TRPV1: variants seen among roughly 807,000 people sequenced by gnomAD.
TRPV1 encodes OTRPC1.
In TRPV1, 82 loss-of-function variants were observed where a neutral mutation model predicts 82.3. That is an observed-to-expected ratio of 1.00 (90% CI 0.83 to 1.20). The LOEUF (loss-of-function observed/expected upper bound fraction) is 1.20, where lower values mean the gene tolerates loss of function less well. Ranked by LOEUF, TRPV1 falls within the 50% of genes most tolerant of loss-of-function variation. TRPV1 has a pLI of 0.00. For missense variants in TRPV1, 1,067 were observed against 1,096.8 expected, an observed-to-expected ratio of 0.97 and a Z score of 0.38; for synonymous variants, 515 against 467.7, an observed-to-expected ratio of 1.10 and a Z score of -1.30.
chr17:3,602,631 G>A (rs781131438), intron 2 of TRPV1, among the ~76,000 whole-genome samples: 8 of 152,122 alleles, frequency 5.3e-5, no homozygotes, highest in South Asian at 2.1e-4. Context: ...GTCTGCGGAC[G>A]CGCCAGCCAG....
intron 16 of TRPV1, among the ~76,000 whole-genome samples, chr17:3,570,015 GAGGAGGGGCCAAGCGGTCAGGA>G (rs1430653588): frequency 0.055 from 7,420 of 134,846 alleles, 481 homozygotes; most frequent in African/African-American, 0.14. Context: ...AGCGGTCAGG[GAGGAGGGGCCAAGCGGTCAGGA>G]AGGAGGGGTC....
chr17:3,579,406 CG>C (rs1259306729), intron 11 of TRPV1, among the ~76,000 whole-genome samples: 1 of 152,038 alleles, frequency 6.6e-6, no homozygotes, highest in Admixed American at 6.6e-5. Flanking sequence ...GGAAGGCCCT[CG>C]GTGCACACTG....
chr17:3,606,582 C>G (rs990973469), intron 2 of TRPV1, among the ~76,000 whole-genome samples: 1 of 152,174 alleles, frequency 6.6e-6, no homozygotes, highest in African/African-American at 2.4e-5. Flanking sequence ...AGAAGCATGC[C>G]GGCCTCAAAC....
At position 3,566,724 on chromosome 17, in the gene TRPV1, G is replaced by A. The variant is rs1221994218; in HGVS notation, c.*91C>T. The A allele has an allele frequency of 6.7e-7, 1 of 1,486,762 alleles. No individual in the cohort carries two copies. Among genetic ancestry groups the A allele is most frequent in the Non-Finnish European group, 9.1e-7 (1 of 1,097,770 alleles). 92.1% of individuals were successfully genotyped at this position (1,486,762 alleles called of 1,614,324 possible). A position where few individuals can be genotyped will look rare whatever the true frequency, so the allele number is the denominator to read the frequency against. On this transcript the variant is annotated 3_prime_UTR_variant, in exon 17 of 17. Transcript: ENST00000572705. ...GGGCAGGCACAGACCAGGCCAGGCTGCTGACAGAGCACTGGTGTTCCCTCA... is the reference window on the plus strand; with the variant it reads ...GGGCAGGCACAGACCAGGCCAGGCTACTGACAGAGCACTGGTGTTCCCTCA...
chr17:3,573,616 C>A lies in TRPV1; in HGVS notation c.2103+17G>T, dbSNP rs1252022928. 4 of 1,604,898 alleles carry A rather than the reference C, an allele frequency of 2.5e-6. No homozygotes were observed. The highest frequency in any genetic ancestry group is 2.7e-5 in the African/African-American group (2 of 74,630). On this transcript the variant is annotated intron_variant, in intron 14 of 16. Coordinates refer to ENST00000572705, the MANE Select transcript of TRPV1 (RefSeq NM_080704.4). ...ACTCTCCGCGCCACTCACCACCCCC[C>A]AACTCCACCCACCCACCTGCAGCTT...
Position 3,573,887 on chromosome 17 carries a change from G to GAGT in TRPV1, c.1848_1849insACT (p.Trp616_Arg617insThr). 6.2e-7 allele frequency: 1 copy of GAGT among 1,611,496 alleles called. No individual in the cohort carries two copies. Among genetic ancestry groups the GAGT allele is most frequent in the African/African-American group, 1.3e-5 (1 of 74,538 alleles). On this transcript the variant is annotated inframe_insertion, in exon 14 of 17. Transcript: ENST00000572705. ...TCGGGGGGCCTGCAGGCAGGCCCCC[G>GAGT]CCACCTGTGCGACGTGGACTCAGAC...
At chr17:3,581,004 G>A (rs188302181) in intron 10 of TRPV1, among the ~76,000 whole-genome samples, 70 of 145,386 alleles carry the variant, frequency 4.8e-4, no homozygotes, top group African/African-American at 1.5e-3. Flanking sequence ...GGGTGACAGC[G>A]AGACTCCATC....
At chr17:3,588,511 T>C in intron 7 of TRPV1, 144 bp from the exon 8 acceptor site, 6 of 922,088 alleles carry the variant, frequency 6.5e-6, no homozygotes, top group Non-Finnish European at 9.6e-6. Context: ...TGACCACCAC[T>C]GAGATCAACC....
intron 11 of TRPV1, among the ~76,000 whole-genome samples, chr17:3,579,313 G>A (rs2074975266): frequency 6.6e-6 from 1 of 152,098 alleles, no homozygotes; most frequent in Non-Finnish European, 1.5e-5. Context: ...AGCTGCAAGA[G>A]GATTTGAAAT....
chr17:3,578,720 T>C (rs2074967225), intron 11 of TRPV1: 1 of 152,178 alleles, frequency 6.6e-6, no homozygotes, highest in Non-Finnish European at 1.5e-5. Flanking sequence ...AAAAGATGCC[T>C]GCACTCCTGT....
intron 13 of TRPV1, among the ~76,000 whole-genome samples, chr17:3,576,067 A>ATACAAAATAC (rs1281431262): frequency 9.2e-5 from 14 of 151,986 alleles, no homozygotes; most frequent in African/African-American, 3.4e-4. Flanking sequence ...AATACAAAAA[A>ATACAAAATAC]AAAAAATAGC....
At chr17:3,583,288 T>G (rs1203145672) in intron 10 of TRPV1, 50 bp downstream of exon 10, 1 of 1,504,638 alleles carries the variant, frequency 6.6e-7, no homozygotes. Context: ...TCTTCTTGGC[T>G]TTTTGTTTTG....
Position 3,592,274 on chromosome 17 carries a change from T to C in TRPV1, c.77A>G (p.Asp26Gly). 1 of 1,606,402 alleles carries C rather than the reference T, an allele frequency of 6.2e-7. No homozygotes were observed. Among genetic ancestry groups the C allele is most frequent in the Non-Finnish European group, 8.5e-7 (1 of 1,176,414 alleles). Residue 26 changes from aspartate to glycine, a missense_variant, in exon 3 of 17, where the codon GAT (aspartate) becomes GGT (glycine). By Grantham distance (94) the Asp-to-Gly change is moderately conservative. Transcript: ENST00000572705. ...LQKDTCPDPL[D>G]GDPNSRPPPA... The stretch of plus-strand genomic sequence containing the variant: ...AGGTGGCCTGGAGTTAGGGTCTCCA[T>C]CCAGGGGGTCTGGGCAGGTGTCCTT...
intron 10 of TRPV1, among the ~76,000 whole-genome samples, chr17:3,580,823 C>A (rs997556474): frequency 2.6e-5 from 4 of 152,140 alleles, no homozygotes; most frequent in African/African-American, 7.2e-5. Context: ...TCGAGACCAG[C>A]CTGGCCAACA....
At chr17:3,601,500 A>G (rs1012128966) in intron 2 of TRPV1, among the ~76,000 whole-genome samples, 5 of 149,884 alleles carry the variant, frequency 3.3e-5, no homozygotes, top group Admixed American at 6.7e-5. Context: ...ACCCTCCTCC[A>G]TCCCAGTACC....
intron 10 of TRPV1, among the ~76,000 whole-genome samples, chr17:3,581,765 G>A (rs1305314578): frequency 3.4e-5 from 5 of 146,900 alleles, no homozygotes; most frequent in East Asian, 4.6e-4. Context: ...CGCACCTGTA[G>A]TCCCAGCTAC....
intron 2 of TRPV1, among the ~76,000 whole-genome samples, chr17:3,599,698 A>G (rs1395157175): frequency 6.7e-6 from 1 of 149,118 alleles, no homozygotes. Flanking sequence ...GCGTGATCTC[A>G]GCTCACTGCA....
chr17:3,589,886 G>C lies in TRPV1; in HGVS notation c.965C>G (p.Pro322Arg), dbSNP rs1215652075. The C allele has an allele frequency of 6.2e-7, 1 of 1,610,266 alleles. No homozygotes were observed. Among genetic ancestry groups the C allele is most frequent in the East Asian group, 2.2e-5 (1 of 44,636 alleles). Residue 322 changes from proline (P) to arginine (R), a missense_variant, in exon 7 of 17, where the codon CCG becomes CGG. Pro to Arg is a moderately radical substitution (Grantham distance 103). Coordinates refer to ENST00000572705, the MANE Select transcript of TRPV1 (RefSeq NM_080704.4). ...GGTGAGCTCCTCCAGCTTCAGCGTC[G>C]GGTGCAGTTTGGCCCCCAGCATCAG... The part of the protein sequence containing the change: ...EILMLGAKLH[P>R]TLKLEELTNK...
In TRPV1 at chr17:3,577,622, G is replaced by A. The variant is rs754714160; in HGVS notation, c.1689C>T (p.Gly563=). ...LYYTRGFQQM[G]IYAVMIEKMI... ...CCTTCTCTATCATGACGGCATAGAT[G>A]CCCATCTGCTGGAAACCGCGGGTGT... Residue 563 remains glycine, a synonymous_variant, in exon 12 of 17, where the codon GGC becomes GGT. Transcript: ENST00000572705. 8.8e-6 allele frequency: 14 copies of A among 1,582,564 alleles called. No homozygotes were observed. The South Asian group carries it at 1.4e-4, about 16-fold the overall frequency.
Sources: gnomAD v4.1 joint callset for allele counts (sites outside exome capture counted in the v4.1 genomes callset) on GRCh38, gnomAD v4.1.1 for gene constraint, MANE v1.5 for transcripts, NCBI Gene and HGNC (gene_info 2026-07-23, HGNC 2026-07-21) for gene names.